The following UBE3D variants were observed in gnomAD, a reference collection of about 807,000 sequenced individuals.
The protein encoded by UBE3D is ubiquitin protein ligase E3D.
In UBE3D, 48 loss-of-function variants were observed where a neutral mutation model predicts 49.6. The ratio of observed to expected loss-of-function variants is 0.97; its 90% CI spans 0.77 to 1.23. The LOEUF (loss-of-function observed/expected upper bound fraction) is 1.23, where lower values mean the gene tolerates loss of function less well. UBE3D is among the 50% of genes most tolerant of loss of function. The pLI, the probability that UBE3D is intolerant of heterozygous loss-of-function variation, is 0.00. For missense variants in UBE3D, 452 were observed against 468.4 expected (o/e 0.96, Z 0.32); for synonymous variants, 189 against 174.2 (o/e 1.08, Z -0.67).
At chr6:83,041,909 T>C (rs1472399657) in intron 4 of UBE3D, among the ~76,000 whole-genome samples, 1 of 151,908 alleles carries the variant, frequency 6.6e-6, no homozygotes, top group East Asian at 1.9e-4. Context: ...CCTTATCGTC[T>C]ATTATATAAT....
intron 8 of UBE3D, among the ~76,000 whole-genome samples, chr6:82,998,242 C>T (rs1381793475): frequency 6.6e-6 from 1 of 152,228 alleles, no homozygotes; most frequent in Non-Finnish European, 1.5e-5. Context: ...ACCTGGAAGG[C>T]TCTTACAGCC....
At chr6:83,014,572 T>G (rs563973801) in intron 8 of UBE3D, among the ~76,000 whole-genome samples, 1 of 152,230 alleles carries the variant, frequency 6.6e-6, no homozygotes, top group African/African-American at 2.4e-5. Context: ...AACCCCTATT[T>G]TAACTTGAGG....
intron 9 of UBE3D, among the ~76,000 whole-genome samples, chr6:82,913,855 C>T (rs1772710658): frequency 6.6e-6 from 1 of 152,216 alleles, no homozygotes; most frequent in Non-Finnish European, 1.5e-5. Flanking sequence ...ACAACATTCA[C>T]ATCTAGCCTG....
At chr6:82,902,138 A>G (rs1052084816) in intron 9 of UBE3D, among the ~76,000 whole-genome samples, 4 of 152,162 alleles carry the variant, frequency 2.6e-5, no homozygotes, top group Admixed American at 2.0e-4. Flanking sequence ...TTGGCTTCAA[A>G]AGTTGGCACC....
At chr6:82,884,286 C>T in the UBE3D span, among the ~76,000 whole-genome samples, 2 of 152,054 alleles carry the variant, frequency 1.3e-5, no homozygotes, top group Non-Finnish European at 2.9e-5. Flanking sequence ...CTCTTTTGCT[C>T]CATTGGAGGC....
intron 9 of UBE3D, among the ~76,000 whole-genome samples, chr6:82,941,105 C>T (rs576582889): frequency 6.6e-6 from 1 of 152,122 alleles, no homozygotes; most frequent in South Asian, 2.1e-4. Context: ...ACTTAGGAGG[C>T]TGAGGCAGGA....
At chr6:82,994,183 T>A (rs1779088564) in intron 8 of UBE3D, among the ~76,000 whole-genome samples, 1 of 152,210 alleles carries the variant, frequency 6.6e-6, no homozygotes, top group Admixed American at 6.5e-5. Flanking sequence ...GAAAAAATTT[T>A]AATACATTTG....
chr6:82,882,932 C>T, the UBE3D span, among the ~76,000 whole-genome samples: 22 of 152,252 alleles, frequency 1.4e-4, no homozygotes, highest in African/African-American at 5.3e-4. Context: ...GCAGCTTCTA[C>T]TAACTAGACA....
At chr6:83,007,261 T>C (rs534134989) in intron 8 of UBE3D, among the ~76,000 whole-genome samples, 2 of 152,260 alleles carry the variant, frequency 1.3e-5, no homozygotes, top group Non-Finnish European at 2.9e-5. Context: ...TGAGAAAATA[T>C]TAATAATAGT....
intron 9 of UBE3D, among the ~76,000 whole-genome samples, chr6:82,900,895 T>C (rs1258043951): frequency 6.6e-6 from 1 of 152,240 alleles, no homozygotes; most frequent in Non-Finnish European, 1.5e-5. Context: ...CTTACTTCTA[T>C]TGGTTGATAT....
intron 8 of UBE3D, among the ~76,000 whole-genome samples, chr6:83,005,224 G>A (rs1047918280): frequency 4.0e-5 from 6 of 151,756 alleles, no homozygotes; most frequent in Non-Finnish European, 8.8e-5. Flanking sequence ...CAACGAACAC[G>A]AAAGGATACT....
At chr6:83,055,578 C>T (rs1386094824) in intron 2 of UBE3D, among the ~76,000 whole-genome samples, 9 of 152,184 alleles carry the variant, frequency 5.9e-5, no homozygotes. Flanking sequence ...CAGCATGATG[C>T]ACTGGGTCGG....
At chr6:82,925,413 T>C (rs1448710128) in intron 9 of UBE3D, among the ~76,000 whole-genome samples, 1 of 152,154 alleles carries the variant, frequency 6.6e-6, no homozygotes, top group Non-Finnish European at 1.5e-5. Flanking sequence ...AGAAAACCTG[T>C]TTCTTCAACC....
intron 5 of UBE3D, among the ~76,000 whole-genome samples, chr6:83,029,491 A>G (rs1004055580): frequency 6.6e-6 from 1 of 152,154 alleles, no homozygotes; most frequent in Non-Finnish European, 1.5e-5. Context: ...CTATCTGTTC[A>G]AAGCTTTTCT....
chr6:82,952,023 A>G lies in UBE3D; in HGVS notation c.1149+5289T>C, dbSNP rs1022543314. 3.3e-5 allele frequency among the ~76,000 whole-genome samples: 5 copies of G among 152,324 alleles called. No homozygotes were observed. The East Asian group carries it at 9.6e-4, about 29-fold the overall frequency. On this transcript the variant is annotated intron_variant, in intron 9 of 9. Transcript: ENST00000369747. ...AAAAAGTCTCCCTGCTATCAAGTAC[A>G]TTTGAGAAATACTGTTTACTATGTT...
At chr6:83,007,283 T>C (rs1780043563) in intron 8 of UBE3D, among the ~76,000 whole-genome samples, 1 of 152,172 alleles carries the variant, frequency 6.6e-6, no homozygotes, top group African/African-American at 2.4e-5. Flanking sequence ...AAATGTAGAA[T>C]TGTTCTTCTC....
chr6:83,004,781 C>T (rs913859795), intron 8 of UBE3D, among the ~76,000 whole-genome samples: 2 of 152,136 alleles, frequency 1.3e-5, no homozygotes, highest in African/African-American at 2.4e-5. Context: ...GTATAATTAA[C>T]CTTTGTTTCT....
At chr6:83,053,692 A>G (rs1325602198) in intron 3 of UBE3D, among the ~76,000 whole-genome samples, 1 of 152,242 alleles carries the variant, frequency 6.6e-6, no homozygotes, top group Non-Finnish European at 1.5e-5. Flanking sequence ...TGTGCTCTGT[A>G]TGCTCTGTTT....
chr6:82,903,086 C>T (rs1771852869), intron 9 of UBE3D, among the ~76,000 whole-genome samples: 1 of 152,048 alleles, frequency 6.6e-6, no homozygotes, highest in African/African-American at 2.4e-5. Flanking sequence ...GCTATTGTAA[C>T]TTTAATTGAC....
Sources: gnomAD v4.1 joint callset for allele counts (sites outside exome capture counted in the v4.1 genomes callset) on GRCh38, gnomAD v4.1.1 for gene constraint, MANE v1.5 for transcripts, NCBI Gene and HGNC (gene_info 2026-07-23, HGNC 2026-07-21) for gene names.